The following JRKL variants were observed in gnomAD, a reference collection of about 807,000 sequenced individuals.
JRKL encodes JRK like, also known as jerky protein homolog-like.
A neutral mutation model predicts 34.7 loss-of-function variants in JRKL; 25 were observed. The ratio of observed to expected loss-of-function variants is 0.72; its 90% CI spans 0.53 to 1.01. The LOEUF (loss-of-function observed/expected upper bound fraction) is 1.01, where lower values mean the gene tolerates loss of function less well. Among genes scored for constraint, JRKL ranks in the 50% least tolerant of loss-of-function variants. The pLI, the probability that JRKL is intolerant of heterozygous loss-of-function variation, is 0.00. For synonymous variants in JRKL, 204 were observed against 212.8 expected (o/e 0.96, Z 0.36); for missense variants, 495 against 615.7 (o/e 0.80, Z 2.07).
Position 96,390,876 on chromosome 11 carries a change from A to G in JRKL, c.227A>G (p.Tyr76Cys), listed in dbSNP as rs1866513285. The change falls in exon 2 of 2, where the codon TAT becomes TGT. Residue 76 changes from tyrosine to cysteine, a missense_variant. Physicochemically the swap from Tyr to Cys is radical, Grantham distance 194. Coordinates refer to ENST00000332349, the MANE Select transcript of JRKL (RefSeq NM_001261833.2). Reference sequence around the variant, plus strand: ...AGGAAATCTATGAAGCCATCCATGTATGAGGAATTGGACAGGGCAATGCTG... The same window carrying G: ...AGGAAATCTATGAAGCCATCCATGTGTGAGGAATTGGACAGGGCAATGCTG... ...AKRKSMKPSMYEELDRAMLEW... is the reference protein window; with the variant it reads ...AKRKSMKPSMCEELDRAMLEW... The G allele has an allele frequency of 4.3e-6, 7 of 1,614,182 alleles. No individual in the cohort carries two copies. Among genetic ancestry groups the G allele is most frequent in the South Asian group, 3.3e-5 (3 of 91,066 alleles).
chr11:96,391,343 A>G lies in JRKL; in HGVS notation c.694A>G (p.Lys232Glu). 6.4e-7 allele frequency: 1 copy of G among 1,551,628 alleles called. No homozygotes were observed. The highest frequency in any genetic ancestry group is 8.7e-7 in the Non-Finnish European group (1 of 1,147,000). ...TAAACTTTGTGTTGTGGGGAAAGCA[A>G]AGAAACCTCGCTCCTTTAAATCAAC... ...KLKLCVVGKAKKPRSFKSTDT... is the reference protein window; with the variant it reads ...KLKLCVVGKAEKPRSFKSTDT... Residue 232 changes from lysine to glutamate, a missense_variant, in exon 2 of 2, where the codon AAG (lysine) becomes GAG (glutamate). Transcript: ENST00000332349.
rs1329636018 is a variant in JRKL, at chr11:96,392,063, C to G, written c.1414C>G (p.Pro472Ala). ...TGAGGAGGAGGAAATAGAACTAATTCCAGAGAAACATATTAATCATGCAGC... is the reference window on the plus strand; with the variant it reads ...TGAGGAGGAGGAAATAGAACTAATTGCAGAGAAACATATTAATCATGCAGC... ...ENEEEEIELI[P>A]EKHINHAAAL... The change falls in exon 2 of 2, where the codon CCA becomes GCA. Residue 472 changes from proline to alanine, a missense_variant. Transcript: ENST00000332349. 22 of 1,613,812 alleles carry G rather than the reference C, an allele frequency of 1.4e-5. No homozygotes were observed. Among genetic ancestry groups the G allele is most frequent in the Non-Finnish European group, 1.8e-5 (21 of 1,179,966 alleles).
rs1203596379 is a variant in JRKL at position 96,392,043 on chromosome 11, A to C, written c.1394A>C (p.Glu465Ala). 2.5e-6 allele frequency: 4 copies of C among 1,614,028 alleles called. No homozygotes were observed. In the East Asian group the frequency reaches 6.7e-5, roughly 27 times the overall value. ...GQADESSENEEEEIELIPEKH... is the reference protein window; with the variant it reads ...GQADESSENEAEEIELIPEKH... ...GCAGATGAATCCAGTGAAAATGAGGAGGAGGAAATAGAACTAATTCCAGAG... is the reference window on the plus strand; with the variant it reads ...GCAGATGAATCCAGTGAAAATGAGGCGGAGGAAATAGAACTAATTCCAGAG... Residue 465 changes from glutamate to alanine, a missense_variant, in exon 2 of 2, where the codon GAG becomes GCG. By Grantham distance (107) the Glu-to-Ala change is moderately radical (BLOSUM62 -1). Coordinates refer to ENST00000332349, the MANE Select transcript of JRKL (RefSeq NM_001261833.2).
Position 96,392,362 on chromosome 11 carries a change from G to A in JRKL, c.*138G>A, listed in dbSNP as rs1866558873. The A allele has an allele frequency of 7.8e-7, 1 of 1,274,036 alleles. No individual in the cohort carries two copies. Among genetic ancestry groups the A allele is most frequent in the Non-Finnish European group, 1.0e-6 (1 of 954,876 alleles). The allele number at this position is 1,274,036 out of a possible 1,614,324, so 78.9% of individuals were successfully genotyped here. On this transcript the variant is annotated 3_prime_UTR_variant, in exon 2 of 2. Transcript: ENST00000332349. ...ACAAAATGTATCTGAAGTGGTTTGAGGATTATGTGTTTTCATCATCTGTGT... is the reference window on the plus strand; with the variant it reads ...ACAAAATGTATCTGAAGTGGTTTGAAGATTATGTGTTTTCATCATCTGTGT...
At position 96,391,350 on chromosome 11, in the gene JRKL, C is replaced by T; in HGVS notation, c.701C>T (p.Pro234Leu). The T allele has an allele frequency of 6.4e-7, 1 of 1,551,576 alleles. No individual in the cohort carries two copies. The highest frequency in any genetic ancestry group is 8.7e-7 in the Non-Finnish European group (1 of 1,146,998). Residue 234 changes from proline (P) to leucine (L), a missense_variant, in exon 2 of 2, where the codon CCT becomes CTT. Coordinates refer to ENST00000332349, the MANE Select transcript of JRKL (RefSeq NM_001261833.2). Reference protein sequence around the residue: ...KLCVVGKAKKPRSFKSTDTLN... With the variant: ...KLCVVGKAKKLRSFKSTDTLN... Reference sequence around the variant, plus strand: ...TGTGTTGTGGGGAAAGCAAAGAAACCTCGCTCCTTTAAATCAACTGACACC... The same window carrying T: ...TGTGTTGTGGGGAAAGCAAAGAAACTTCGCTCCTTTAAATCAACTGACACC...
chr11:96,391,301 A>G lies in JRKL; in HGVS notation c.652A>G (p.Thr218Ala). The change falls in exon 2 of 2, where the codon ACA (threonine) becomes GCA (alanine). Residue 218 changes from threonine to alanine, a missense_variant. Coordinates refer to ENST00000332349, the MANE Select transcript of JRKL (RefSeq NM_001261833.2). ...RVTIMCCANATGLHKLKLCVV... is the reference protein window; with the variant it reads ...RVTIMCCANAAGLHKLKLCVV... ...CACAATCATGTGTTGTGCCAATGCA[A>G]CAGGTTTACACAAACTTAAACTTTG... The G allele has an allele frequency of 6.4e-7, 1 of 1,551,618 alleles. No homozygotes were observed. Among genetic ancestry groups the G allele is most frequent in the South Asian group, 1.2e-5 (1 of 84,070 alleles).
In JRKL at chr11:96,392,285, T is replaced by C. The variant is rs1403265040; in HGVS notation, c.*61T>C. On this transcript the variant is annotated 3_prime_UTR_variant, in exon 2 of 2. Transcript: ENST00000332349. ...TGTGACAAACTCTTTGCAATATGGC[T>C]TAATTTTCTTTGTGTTCTGAATTCT... is the stretch of plus-strand genomic sequence containing the variant. 6.8e-7 allele frequency: 1 copy of C among 1,477,470 alleles called. No individual in the cohort carries two copies. The highest frequency in any genetic ancestry group is 9.0e-7 in the Non-Finnish European group (1 of 1,115,786). 91.5% of individuals were successfully genotyped at this position (1,477,470 alleles called of 1,614,324 possible).
In JRKL at chr11:96,391,522, GGATAATTCAC is replaced by G; in HGVS notation, c.874_883del (p.Asp292GlnfsTer9). 6.4e-7 allele frequency: 1 copy of G among 1,554,264 alleles called. No homozygotes were observed. The highest frequency in any genetic ancestry group is 8.7e-7 in the Non-Finnish European group (1 of 1,148,118). On this transcript the variant is annotated frameshift_variant, in exon 2 of 2. Coordinates refer to ENST00000332349, the MANE Select transcript of JRKL (RefSeq NM_001261833.2). LOFTEE classifies it high-confidence loss of function. ...TGCAGGAAAAGGCTGTGCTCTTGTT[GGATAATTCAC>G]CAACACATCCAAATGAAAATGTCCT...
Position 96,391,991 on chromosome 11 carries a change from G to A in JRKL, c.1342G>A (p.Glu448Lys), listed in dbSNP as rs148141652. 5.9e-5 allele frequency: 96 copies of A among 1,614,006 alleles called. No homozygotes were observed. The highest frequency in any genetic ancestry group is 7.5e-5 in the Non-Finnish European group (89 of 1,179,996). The change falls in exon 2 of 2, where the codon GAA becomes AAA. Residue 448 changes from glutamate (E) to lysine (K), a missense_variant. Physicochemically the swap from Glu to Lys is moderately conservative, Grantham distance 56. Transcript: ENST00000332349. ...AGGCTATGAAGTGTTAACTGATAGC[G>A]AAATCATCAGAAGAGCACAAGGCCA... Reference protein sequence around the residue: ...EPGYEVLTDSEIIRRAQGQAD... With the variant: ...EPGYEVLTDSKIIRRAQGQAD...
rs1190720703 is a variant in JRKL, at chr11:96,391,238, T to G, written c.589T>G (p.Cys197Gly). 1 of 1,552,042 alleles carries G rather than the reference T, an allele frequency of 6.4e-7. No homozygotes were observed. Among genetic ancestry groups the G allele is most frequent in the Admixed American group, 2.0e-5 (1 of 51,042 alleles). The change falls in exon 2 of 2, where the codon TGC (cysteine) becomes GGC (glycine). Residue 197 changes from cysteine (C) to glycine (G), a missense_variant. Transcript: ENST00000332349. ...PSRISVIKGK[C>G]TVPGHKSIEE... ...TAGGATTTCAGTAATCAAAGGTAAA[T>G]GCACTGTCCCTGGGCACAAATCAAT...
chr11:96,390,588 G>C lies in JRKL; in HGVS notation c.-62G>C. The C allele has an allele frequency of 6.5e-7, 1 of 1,529,136 alleles. No individual in the cohort carries two copies. The highest frequency in any genetic ancestry group is 8.7e-7 in the Non-Finnish European group (1 of 1,145,492). The allele number at this position is 1,529,136 out of a possible 1,614,324, so 94.7% of individuals were successfully genotyped here. A position where few individuals can be genotyped will look rare whatever the true frequency, so the allele number is the denominator to read the frequency against. The stretch of plus-strand genomic sequence containing the variant: ...AGACTGTTGAAGTGAGCCTGTGTAA[G>C]AGAAGGAAGGATTTTGTGGATTGCT... On this transcript the variant is annotated 5_prime_UTR_variant, in exon 2 of 2. Transcript: ENST00000332349.
In JRKL at chr11:96,391,633, G is replaced by C. The variant is rs548503596; in HGVS notation, c.984G>C (p.Gln328His). The change falls in exon 2 of 2, where the codon CAG (glutamine) becomes CAC (histidine). Residue 328 changes from glutamine to histidine, a missense_variant. Transcript: ENST00000332349. ...CCTCATTGATTCAGCCTTCAGATCA[G>C]GGAGTCATAGCAACGATGAAGAGAA... ...NVASLIQPSD[Q>H]GVIATMKRNY... is the part of the protein sequence containing the mutation. 206 of 1,614,014 alleles carry C rather than the reference G, an allele frequency of 1.3e-4. 2 individuals are homozygous for C. In the South Asian group the frequency reaches 2.2e-3, roughly 17 times the overall value.
In JRKL at chr11:96,390,792, A is replaced by G; in HGVS notation, c.143A>G (p.Asn48Ser). The change falls in exon 2 of 2, where the codon AAT becomes AGT. Residue 48 changes from asparagine to serine, a missense_variant. Asn to Ser is a conservative substitution (Grantham distance 46). Transcript: ENST00000332349. ...GETTVRDIRK[N>S]KEKIITYASS... ...ACAACAGTTCGGGATATAAGAAAAA[A>G]TAAGGAAAAGATTATAACTTATGCA... 3 of 1,613,498 alleles carry G rather than the reference A, an allele frequency of 1.9e-6. No individual in the cohort carries two copies. The highest frequency in any genetic ancestry group is 2.5e-6 in the Non-Finnish European group (3 of 1,179,878).
rs774600739 is a variant in JRKL, at chr11:96,391,854, T to C, written c.1205T>C (p.Val402Ala). The C allele has an allele frequency of 1.2e-6, 2 of 1,614,052 alleles. No individual in the cohort carries two copies. Among genetic ancestry groups the C allele is most frequent in the African/African-American group, 2.7e-5 (2 of 74,938 alleles). ...VEEKESLDFD[V>A]EDISVATVAA... The stretch of plus-strand genomic sequence containing the variant: ...GAGAAAGAGAGCCTGGACTTTGATG[T>C]TGAAGATATTTCTGTGGCTACTGTG... The change falls in exon 2 of 2, where the codon GTT becomes GCT. Residue 402 changes from valine (V) to alanine (A), a missense_variant. Transcript: ENST00000332349.
In JRKL at chr11:96,391,420, G is replaced by T; in HGVS notation, c.771G>T (p.Met257Ile). The T allele has an allele frequency of 6.4e-7, 1 of 1,551,690 alleles. No homozygotes were observed. Among genetic ancestry groups the T allele is most frequent in the Non-Finnish European group, 8.7e-7 (1 of 1,146,994 alleles). The change falls in exon 2 of 2, where the codon ATG becomes ATT. Residue 257 changes from methionine (M) to isoleucine (I), a missense_variant. Physicochemically the swap from Met to Ile is conservative, Grantham distance 10. Transcript: ENST00000332349. Reference protein sequence around the residue: ...VSYFSQKGAWMDLSIFRQWFD... With the variant: ...VSYFSQKGAWIDLSIFRQWFD... The stretch of plus-strand genomic sequence containing the variant: ...ATTTCAGCCAAAAAGGTGCATGGAT[G>T]GATCTTTCCATTTTCCGACAATGGT...
Position 96,392,758 on chromosome 11 carries a change from T to C in JRKL, c.*534T>C, listed in dbSNP as rs4753750. The C allele has an allele frequency of 9.8e-3, 1,633 of 167,212 alleles. 21 individuals carry two copies. Among genetic ancestry groups the C allele is most frequent in the Admixed American group, 0.034 (527 of 15,306 alleles). The allele number at this position is 167,212 out of a possible 1,614,324, so 10.4% of individuals were successfully genotyped here. ...ATTATGAATTATAGAAATTATGCCTTCATTCTCTTACATTTGTGTGGGTTG... is the reference window on the plus strand; with the variant it reads ...ATTATGAATTATAGAAATTATGCCTCCATTCTCTTACATTTGTGTGGGTTG... On this transcript the variant is annotated 3_prime_UTR_variant, in exon 2 of 2. Transcript: ENST00000332349.
Position 96,391,095 on chromosome 11 carries a change from A to T in JRKL, c.446A>T (p.Glu149Val), listed in dbSNP as rs756177939. The T allele has an allele frequency of 1.2e-6, 2 of 1,614,062 alleles. No individual in the cohort carries two copies. The highest frequency in any genetic ancestry group is 3.3e-5 in the Admixed American group (2 of 60,000). ...NIRNERLNGD[E>V]TAVEDFCNNF... ...AGAAATGAAAGATTAAATGGAGATG[A>T]GACTGCGGTGGAAGATTTTTGTAAT... is the stretch of plus-strand genomic sequence containing the variant. The change falls in exon 2 of 2, where the codon GAG becomes GTG. Residue 149 changes from glutamate to valine, a missense_variant. Physicochemically the swap from Glu to Val is moderately radical, Grantham distance 121. Coordinates refer to ENST00000332349, the MANE Select transcript of JRKL (RefSeq NM_001261833.2).
At position 96,391,463 on chromosome 11, in the gene JRKL, C is replaced by T; in HGVS notation, c.814C>T (p.Pro272Ser). Residue 272 changes from proline (P) to serine (S), a missense_variant, in exon 2 of 2, where the codon CCG becomes TCG. Physicochemically the swap from Pro to Ser is moderately conservative, Grantham distance 74 (BLOSUM62 -1). Coordinates refer to ENST00000332349, the MANE Select transcript of JRKL (RefSeq NM_001261833.2). ...FRQWFDKIFV[P>S]QVREYLRSKG... is the part of the protein sequence containing the mutation. ...ACAATGGTTTGATAAAATTTTTGTGCCGCAAGTTCGAGAGTATTTAAGATC... is the reference window on the plus strand; with the variant it reads ...ACAATGGTTTGATAAAATTTTTGTGTCGCAAGTTCGAGAGTATTTAAGATC... 6.4e-7 allele frequency: 1 copy of T among 1,551,712 alleles called. No individual in the cohort carries two copies. Among genetic ancestry groups the T allele is most frequent in the Non-Finnish European group, 8.7e-7 (1 of 1,147,002 alleles).
In JRKL at chr11:96,391,730, A is replaced by T; in HGVS notation, c.1081A>T (p.Thr361Ser). ...NDLKSFWKKLTLLDALYEIAM... is the reference protein window; with the variant it reads ...NDLKSFWKKLSLLDALYEIAM... Reference sequence around the variant, plus strand: ...CCTGAAATCATTCTGGAAGAAGCTAACTCTGTTGGATGCACTTTATGAAAT... The same window carrying T: ...CCTGAAATCATTCTGGAAGAAGCTATCTCTGTTGGATGCACTTTATGAAAT... Residue 361 changes from threonine to serine, a missense_variant, in exon 2 of 2, where the codon ACT (threonine) becomes TCT (serine). Coordinates refer to ENST00000332349, the MANE Select transcript of JRKL (RefSeq NM_001261833.2). 6.2e-7 allele frequency: 1 copy of T among 1,614,186 alleles called. No individual in the cohort carries two copies. The highest frequency in any genetic ancestry group is 8.5e-7 in the Non-Finnish European group (1 of 1,180,026).
Sources: gnomAD v4.1 joint callset for allele counts on GRCh38, gnomAD v4.1.1 for gene constraint, MANE v1.5 for transcripts, NCBI Gene and HGNC (gene_info 2026-07-23, HGNC 2026-07-21) for gene names.